ATP6V0D1: variants seen among roughly 807,000 people sequenced by gnomAD.
ATP6V0D1 encodes the protein ATPase H+ transporting V0 subunit d1.
A neutral mutation model predicts 39.0 loss-of-function variants in ATP6V0D1; 13 were observed. That is an observed-to-expected ratio of 0.33 (90% CI 0.22 to 0.53). The LOEUF (loss-of-function observed/expected upper bound fraction) is 0.53. Among genes scored for constraint, ATP6V0D1 ranks in the 20% least tolerant of loss-of-function variants. The pLI, the probability that ATP6V0D1 is intolerant of heterozygous loss-of-function variation, is 0.94. For missense variants in ATP6V0D1, 272 were observed against 470.9 expected (o/e 0.58, Z 3.91); for synonymous variants, 191 against 191.2 (o/e 1.00, Z 0.01).
At position 67,444,386 on chromosome 16, in the gene ATP6V0D1, T is replaced by C. The variant is rs1046705553; in HGVS notation, c.481+142A>G. On this transcript the variant is annotated intron_variant, in intron 3 of 7. Coordinates refer to ENST00000290949, the MANE Select transcript of ATP6V0D1 (RefSeq NM_004691.5). The surrounding 1 kb of genome is among the most constrained non-coding windows in gnomAD (Gnocchi z 4.8). ...GTGAGGAGAGAATCGGAGGAGGAAG[T>C]TGAAGGGAGACAAAGGTAAGCAGCA... is the stretch of plus-strand genomic sequence containing the variant. The C allele has an allele frequency of 3.7e-5, 32 of 864,584 alleles. No homozygotes were observed. The highest frequency in any genetic ancestry group is 5.7e-5 in the East Asian group (2 of 34,906). The allele number at this position is 864,584 out of a possible 1,614,324, so 53.6% of individuals were successfully genotyped here.
chr16:67,438,889 GGAA>G lies in ATP6V0D1; in HGVS notation c.817-22_817-20del. ...TGTACTCCTGGCCAGGGGGGTGGGG[GGAA>G]GCACAAGCATGAGGGTTCTGGGTGG... On this transcript the variant is annotated intron_variant, in intron 6 of 7. Transcript: ENST00000290949. The G allele has an allele frequency of 6.2e-7, 1 of 1,613,404 alleles. No homozygotes were observed. Among genetic ancestry groups the G allele is most frequent in the Non-Finnish European group, 8.5e-7 (1 of 1,179,848 alleles).
intron 1 of ATP6V0D1, among the ~76,000 whole-genome samples, chr16:67,475,633 A>G (rs2041408564): frequency 6.6e-6 from 1 of 152,218 alleles, no homozygotes; most frequent in African/African-American, 2.4e-5. Context: ...TGGCCCAAGT[A>G]TCAGGTAGAG....
intron 1 of ATP6V0D1, among the ~76,000 whole-genome samples, chr16:67,478,935 T>A (rs1017534269): frequency 6.6e-6 from 1 of 150,546 alleles, no homozygotes; most frequent in Non-Finnish European, 1.5e-5. Context: ...TGATCAATGA[T>A]GTTCACCTTA....
intron 3 of ATP6V0D1, 94 bp from the exon 4 acceptor site, chr16:67,443,272 C>T (rs1189773134): frequency 1.8e-5 from 24 of 1,318,710 alleles, no homozygotes; most frequent in South Asian, 6.2e-5. Flanking sequence ...GCCCGTGCCA[C>T]AAGGCCCACA....
intron 1 of ATP6V0D1, among the ~76,000 whole-genome samples, chr16:67,480,356 G>T (rs1395527494): frequency 6.6e-6 from 1 of 152,106 alleles, no homozygotes; most frequent in African/African-American, 2.4e-5. Context: ...CCAAATACTT[G>T]TATATGAACT....
rs1448409435 is a variant in ATP6V0D1, at chr16:67,438,614, G to C, written c.970C>G (p.Gln324Glu). The C allele has an allele frequency of 6.2e-7, 1 of 1,614,136 alleles. No individual in the cohort carries two copies. Among genetic ancestry groups the C allele is most frequent in the African/African-American group, 1.3e-5 (1 of 74,942 alleles). The part of the protein sequence containing the change: ...VFYAFVKLKE[Q>E]ECRNIVWIAE... ...ATCCACACGATGTTGCGACACTCCT[G>C]CTCCTTGAGCTTCACGAAGGCATAG... The change falls in exon 8 of 8, where the codon CAG (glutamine) becomes GAG (glutamate). Residue 324 changes from glutamine (Q) to glutamate (E), a missense_variant. This residue lies in a region of ATP6V0D1 where 35 missense variants were observed against 84.6 expected (regional missense o/e 0.41). Transcript: ENST00000290949.
chr16:67,447,774 G>A lies in ATP6V0D1; in HGVS notation c.303-3068C>T, dbSNP rs925084727. Among the ~76,000 whole-genome samples, 4 of 152,166 alleles carry A rather than the reference G, an allele frequency of 2.6e-5. No individual in the cohort carries two copies. The highest frequency in any genetic ancestry group is 1.3e-4 in the Admixed American group (2 of 15,284). Reference sequence around the variant, plus strand: ...CTAGCCAACTCTGCCCCTCTGCTGCGCCCTTTGGTGCCACCTGCTGGAACA... The same window carrying A: ...CTAGCCAACTCTGCCCCTCTGCTGCACCCTTTGGTGCCACCTGCTGGAACA... On this transcript the variant is annotated intron_variant, in intron 2 of 7. Coordinates refer to ENST00000290949, the MANE Select transcript of ATP6V0D1 (RefSeq NM_004691.5). This position sits in a 1 kb window ranked among gnomAD's most constrained non-coding sequence, Gnocchi z 4.1.
Position 67,480,946 on chromosome 16 carries a change from C to G in ATP6V0D1, c.130+11G>C. 2 of 1,613,474 alleles carry G rather than the reference C, an allele frequency of 1.2e-6. No individual in the cohort carries two copies. The highest frequency in any genetic ancestry group is 1.7e-6 in the Non-Finnish European group (2 of 1,179,576). ...CAGCCTCTATCCCCGCCTTTCGCGGCCCCGGCTCACCCTCTAGCGTCTCGC... is the reference window on the plus strand; with the variant it reads ...CAGCCTCTATCCCCGCCTTTCGCGGGCCCGGCTCACCCTCTAGCGTCTCGC... On this transcript the variant is annotated intron_variant, in intron 1 of 7. Transcript: ENST00000290949.
rs528573557 is a variant in ATP6V0D1 at position 67,465,559 on chromosome 16, C to T, written c.131-11844G>A. Among the ~76,000 whole-genome samples the T allele has an allele frequency of 8.5e-5, 13 of 152,324 alleles. No individual in the cohort carries two copies. The South Asian group carries it at 2.7e-3, about 32-fold the overall frequency. ...AAGCTCCTACTTGGAGCTCCCAAGA[C>T]CCATGGGTTCATAGCACACTGTGCT... On this transcript the variant is annotated intron_variant, in intron 1 of 7. Coordinates refer to ENST00000290949, the MANE Select transcript of ATP6V0D1 (RefSeq NM_004691.5).
At chr16:67,466,587 C>A (rs941455504) in intron 1 of ATP6V0D1, among the ~76,000 whole-genome samples, 1 of 151,768 alleles carries the variant, frequency 6.6e-6, no homozygotes, top group African/African-American at 2.4e-5. Context: ...GTAATCCCAG[C>A]ACTTTGGAAG....
At chr16:67,442,900 A>T (rs1297605186) in intron 4 of ATP6V0D1, among the ~76,000 whole-genome samples, 199 bp downstream of exon 4, 3 of 152,192 alleles carry the variant, frequency 2.0e-5, no homozygotes, top group African/African-American at 4.8e-5. Flanking sequence ...AGCCCGTCAC[A>T]GGCACTATGG....
chr16:67,443,419 C>A (rs2041077332), intron 3 of ATP6V0D1: 2 of 527,056 alleles, frequency 3.8e-6, no homozygotes. Context: ...AGGCAGCTAG[C>A]CATAACATGA....
intron 1 of ATP6V0D1, among the ~76,000 whole-genome samples, chr16:67,467,574 G>A (rs1285914956): frequency 6.6e-6 from 1 of 152,046 alleles, no homozygotes; most frequent in Non-Finnish European, 1.5e-5. Context: ...GGCTAGGACT[G>A]CGCTGTTGAA....
Position 67,439,156 on chromosome 16 carries a change from C to A in ATP6V0D1, c.640-9G>T, listed in dbSNP as rs985340688. ...CGGCGGTCTGCTTCAAACTGTGGAG[C>A]CAGTGCACAGGTAAGAAGAGAGGGA... On this transcript the variant is annotated splice_polypyrimidine_tract_variant and intron_variant, in intron 5 of 7. Coordinates refer to ENST00000290949, the MANE Select transcript of ATP6V0D1 (RefSeq NM_004691.5). The A allele has an allele frequency of 1.2e-6, 2 of 1,613,744 alleles. No individual in the cohort carries two copies. The highest frequency in any genetic ancestry group is 1.1e-5 in the South Asian group (1 of 91,082).
chr16:67,467,886 G>A (rs959663133), intron 1 of ATP6V0D1, among the ~76,000 whole-genome samples: 6 of 152,192 alleles, frequency 3.9e-5, no homozygotes, highest in African/African-American at 1.4e-4. Flanking sequence ...GCTACAGGTT[G>A]GGAAGGGGAC....
In ATP6V0D1 at chr16:67,480,965, G is replaced by A. The variant is rs1389144958; in HGVS notation, c.122C>T (p.Thr41Met). 14 of 1,613,958 alleles carry A rather than the reference G, an allele frequency of 8.7e-6. No individual in the cohort carries two copies. In the Admixed American group the frequency reaches 2.2e-4, roughly 25 times the overall value. The part of the protein sequence containing the change: ...ADYLNLVQCE[T>M]LEDLKLHLQS... ...TCGCGGCCCCGGCTCACCCTCTAGC[G>A]TCTCGCACTGCACCAGGTTGAGGTA... The change falls in exon 1 of 8, where the codon ACG becomes ATG. Residue 41 changes from threonine to methionine, a missense_variant. Thr to Met is a moderately conservative substitution (Grantham distance 81). This residue lies in a region of ATP6V0D1 where 81 missense variants were observed against 96.0 expected (regional missense o/e 0.84). Transcript: ENST00000290949.
intron 4 of ATP6V0D1, chr16:67,441,819 A>T (rs774880544): frequency 4.6e-5 from 7 of 152,204 alleles, no homozygotes; most frequent in Non-Finnish European, 7.3e-5. Context: ...AAAGAAGCTG[A>T]CGACCTTCCC....
chr16:67,453,484 TC>T lies in ATP6V0D1; in HGVS notation c.302+59del. On this transcript the variant is annotated intron_variant, in intron 2 of 7. Coordinates refer to ENST00000290949, the MANE Select transcript of ATP6V0D1 (RefSeq NM_004691.5). This position sits in a 1 kb window ranked among gnomAD's most constrained non-coding sequence, Gnocchi z 4.1. ...TAGCCTAAGCCACACTGAACCCAGC[TC>T]CTGCAGGTGTAGCTATCCTGCCCAG... The T allele has an allele frequency of 6.3e-7, 1 of 1,584,234 alleles. No individual in the cohort carries two copies. The highest frequency in any genetic ancestry group is 1.7e-5 in the Admixed American group (1 of 58,868).
At chr16:67,449,984 A>G (rs2041159893) in intron 2 of ATP6V0D1, among the ~76,000 whole-genome samples, 1 of 152,028 alleles carries the variant, frequency 6.6e-6, no homozygotes, top group African/African-American at 2.4e-5. Context: ...AAAAGCAACT[A>G]TGAGGCCCTG....
Sources: allele counts gnomAD v4.1 joint callset (sites outside exome capture counted in the v4.1 genomes callset), GRCh38; gene constraint gnomAD v4.1.1; regional missense constraint gnomAD v4.1.1; non-coding constraint Gnocchi (gnomAD v3.1); transcripts MANE v1.5; gene names NCBI Gene and HGNC (gene_info 2026-07-23, HGNC 2026-07-21).